Variants in SYT9 observed in about 807,000 individuals in gnomAD.
The protein encoded by SYT9 is synaptotagmin-9.
In SYT9, 22 loss-of-function variants were observed where a neutral mutation model predicts 48.4. That is an observed-to-expected ratio of 0.45 (90% CI 0.32 to 0.65). The LOEUF is 0.65. Among genes scored for constraint, SYT9 ranks in the 30% least tolerant of loss-of-function variants. SYT9 has a pLI of 0.03. For missense variants in SYT9, 577 were observed against 622.0 expected (o/e 0.93, Z 0.77); for synonymous variants, 265 against 245.0 (o/e 1.08, Z -0.76).
At chr11:7,454,846 C>T (rs11041392) in intron 6 of SYT9, among the ~76,000 whole-genome samples, 48,388 of 151,922 alleles carry the variant, frequency 0.32, 8,480 homozygotes, top group African/African-American at 0.46. Context: ...AGCTTTCTCT[C>T]CACTCACCAA....
chr11:7,404,246 A>G (rs913441570), intron 3 of SYT9, among the ~76,000 whole-genome samples: 5 of 152,162 alleles, frequency 3.3e-5, no homozygotes, highest in Admixed American at 6.5e-5. Context: ...TTATTGAATC[A>G]GGCAATTGTT....
At chr11:7,453,594 G>A (rs1485981988) in intron 6 of SYT9, among the ~76,000 whole-genome samples, 1 of 152,232 alleles carries the variant, frequency 6.6e-6, no homozygotes, top group Non-Finnish European at 1.5e-5. Context: ...GCTGGACGAT[G>A]CAAATACAAA....
chr11:7,365,502 T>A (rs1850223485), intron 3 of SYT9, among the ~76,000 whole-genome samples: 1 of 152,236 alleles, frequency 6.6e-6, no homozygotes, highest in African/African-American at 2.4e-5. Flanking sequence ...CTGAGCAAAC[T>A]GAATTGGAAT....
chr11:7,432,417 G>C (rs1847592456), intron 6 of SYT9, among the ~76,000 whole-genome samples: 1 of 151,148 alleles, frequency 6.6e-6, no homozygotes, highest in Admixed American at 6.6e-5. Context: ...CATGGTGGCA[G>C]GTGCCTTCAA....
intron 1 of SYT9, among the ~76,000 whole-genome samples, chr11:7,246,182 G>A (rs1444368702): frequency 6.6e-6 from 1 of 152,114 alleles, no homozygotes; most frequent in Non-Finnish European, 1.5e-5. Flanking sequence ...CACAGAATGG[G>A]TAATACCTGG....
At chr11:7,239,926 T>C (rs1355916147) in intron 1 of SYT9, among the ~76,000 whole-genome samples, 1 of 152,152 alleles carries the variant, frequency 6.6e-6, no homozygotes, top group Admixed American at 6.6e-5. Context: ...GATTAATACA[T>C]GAATTTGAAG....
At chr11:7,323,324 GCTATACA>G (rs1849370118) in intron 3 of SYT9, among the ~76,000 whole-genome samples, 2 of 152,064 alleles carry the variant, frequency 1.3e-5, no homozygotes, top group South Asian at 4.1e-4. Flanking sequence ...ACTTGGACTT[GCTATACA>G]CTATAATTCT....
rs1191105271 is a variant in SYT9 at position 7,327,992 on chromosome 11, C to A, written c.1044+14051C>A. On this transcript the variant is annotated intron_variant, in intron 3 of 6. Coordinates refer to ENST00000318881, the MANE Select transcript of SYT9 (RefSeq NM_175733.4). ...ATGCTAGATGACGAGTTAGTGGGTG[C>A]AGCGCACCAGCATGGCACATGTATA... is the stretch of plus-strand genomic sequence containing the variant. Among the ~76,000 whole-genome samples, 616 of 124,518 alleles carry A rather than the reference C, an allele frequency of 4.9e-3. 10 individuals are homozygous for A. The highest frequency in any genetic ancestry group is 0.018 in the African/African-American group (586 of 32,918). 81.7% of individuals were successfully genotyped at this position (124,518 alleles called of 152,430 possible). A position where few individuals can be genotyped will look rare whatever the true frequency, so the allele number is the denominator to read the frequency against.
At chr11:7,258,652 G>C (rs968732164) in intron 1 of SYT9, among the ~76,000 whole-genome samples, 2 of 152,114 alleles carry the variant, frequency 1.3e-5, no homozygotes, top group African/African-American at 4.8e-5. Flanking sequence ...CTACCTTAGT[G>C]ACCTTGAGTA....
chr11:7,375,291 C>G (rs1850432429), intron 3 of SYT9, among the ~76,000 whole-genome samples: 1 of 152,078 alleles, frequency 6.6e-6, no homozygotes, highest in Admixed American at 6.6e-5. Flanking sequence ...TCTTTTGGTA[C>G]CAGTACCATG....
upstream of SYT9, among the ~76,000 whole-genome samples, chr11:7,250,073 C>G (rs1189751261): frequency 6.6e-6 from 1 of 152,158 alleles, no homozygotes; most frequent in Non-Finnish European, 1.5e-5. Context: ...AACTCAGTTT[C>G]TACCTTTCCA....
intron 6 of SYT9, among the ~76,000 whole-genome samples, chr11:7,448,260 C>A (rs1847972887): frequency 6.6e-6 from 1 of 152,244 alleles, no homozygotes; most frequent in East Asian, 1.9e-4. Context: ...TCAGAGCCAT[C>A]TGGTTCTATC....
At chr11:7,241,592 G>A (rs1229263986) in intron 1 of SYT9, among the ~76,000 whole-genome samples, 2 of 152,188 alleles carry the variant, frequency 1.3e-5, no homozygotes, top group East Asian at 3.8e-4. Context: ...TCAGACCACA[G>A]TGGAATTGCC....
chr11:7,401,307 G>A (rs1247653808), intron 3 of SYT9, among the ~76,000 whole-genome samples: 2 of 150,116 alleles, frequency 1.3e-5, no homozygotes, highest in African/African-American at 4.9e-5. Flanking sequence ...ATTATATTTT[G>A]TATATATATA....
At chr11:7,341,450 T>G (rs536981154) in intron 3 of SYT9, among the ~76,000 whole-genome samples, 1 of 152,256 alleles carries the variant, frequency 6.6e-6, no homozygotes, top group East Asian at 1.9e-4. Context: ...ATAAGTCTCA[T>G]GAGATCTAAT....
intron 1 of SYT9, among the ~76,000 whole-genome samples, chr11:7,245,403 TTTTTC>T (rs1847780661): frequency 1.3e-5 from 2 of 152,196 alleles, no homozygotes; most frequent in South Asian, 2.1e-4. Flanking sequence ...TCCAAAGGCC[TTTTTC>T]TTTTCTTTTC....
rs536456768 is a variant in SYT9 at position 7,395,954 on chromosome 11, T to A, written c.1045-20088T>A. 2.0e-5 allele frequency among the ~76,000 whole-genome samples: 3 copies of A among 152,242 alleles called. No individual in the cohort carries two copies. The South Asian group carries it at 6.2e-4, about 32-fold the overall frequency. On this transcript the variant is annotated intron_variant, in intron 3 of 6. Coordinates refer to ENST00000318881, the MANE Select transcript of SYT9 (RefSeq NM_175733.4). ...TTTGGCTTATGTACTTATATGTGTT[T>A]TTGTGGTAACAGATTTTGTTCTTTC... is the stretch of plus-strand genomic sequence containing the variant.
intron 3 of SYT9, among the ~76,000 whole-genome samples, chr11:7,324,935 A>G (rs1174217793): frequency 1.3e-5 from 2 of 152,208 alleles, no homozygotes; most frequent in East Asian, 3.9e-4. Context: ...ATCTCCTACT[A>G]TGATGGTGGA....
intron 3 of SYT9, among the ~76,000 whole-genome samples, chr11:7,337,441 C>A (rs1282613661): frequency 6.6e-6 from 1 of 151,990 alleles, no homozygotes; most frequent in African/African-American, 2.4e-5. Context: ...ATGTCTTGTG[C>A]CAGTTTTCAA....
Sources: allele counts gnomAD v4.1 joint callset (sites outside exome capture counted in the v4.1 genomes callset), GRCh38; gene constraint gnomAD v4.1.1; transcripts MANE v1.5; gene names NCBI Gene and HGNC (gene_info 2026-07-23, HGNC 2026-07-21).